The following CENPI variants were observed in gnomAD, a reference collection of about 807,000 sequenced individuals.
The protein encoded by CENPI is FSH primary response 1.
Under a neutral mutation model 60.4 loss-of-function variants are expected in CENPI, and 4 were observed. That is an observed-to-expected ratio of 0.07 (90% CI 0.03 to 0.15). The LOEUF (loss-of-function observed/expected upper bound fraction) is 0.15. Among genes scored for constraint, CENPI ranks in the 10% least tolerant of loss-of-function variants. CENPI has a pLI of 1.00. For missense variants in CENPI, 444 were observed against 534.5 expected, an observed-to-expected ratio of 0.83 and a Z score of 1.67; for synonymous variants, 157 against 189.4, an observed-to-expected ratio of 0.83 and a Z score of 1.40.
At chrX:101,158,272 C>CTTTT (rs35564589) in intron 20 of CENPI, among the ~76,000 whole-genome samples, 6 of 65,878 alleles carry the variant, frequency 9.1e-5, no homozygotes, top group African/African-American at 2.0e-4. Context: ...GGCAGTATGG[C>CTTTT]TTTTTTTTTT....
At chrX:101,102,234 T>A in intron 3 of CENPI, 40 bp from the exon 4 acceptor site, 1 of 1,034,122 alleles carries the variant, frequency 9.7e-7, no homozygotes, top group South Asian at 2.4e-5. Flanking sequence ...ACTGAAATAA[T>A]TTTAAAGGTC....
chrX:101,173,412 C>G, the CENPI span, among the ~76,000 whole-genome samples: 2 of 102,878 alleles, frequency 1.9e-5, no homozygotes, highest in Non-Finnish European at 3.9e-5. Context: ...GCTTCTACCT[C>G]CTGGGCTCAA....
intron 8 of CENPI, 147 bp downstream of exon 8, chrX:101,120,931 A>T: frequency 2.3e-6 from 1 of 438,575 alleles, no homozygotes; most frequent in Non-Finnish European, 3.9e-6. Context: ...ACTGGAGTGC[A>T]GTGGCATGAT....
At chrX:101,111,255 T>C (rs775356949) in intron 6 of CENPI, among the ~76,000 whole-genome samples, 34 of 111,305 alleles carry the variant, frequency 3.1e-4, no homozygotes, top group Non-Finnish European at 5.3e-4. Context: ...GAAGCTGACA[T>C]GATAATCTAG....
intron 6 of CENPI, among the ~76,000 whole-genome samples, chrX:101,110,379 CT>C (rs1367772826): frequency 8.9e-6 from 1 of 112,113 alleles, no homozygotes; most frequent in Non-Finnish European, 1.9e-5. Flanking sequence ...GTCATTTACT[CT>C]ACATTTTCTT....
chrX:101,103,343 G>T (rs146736957), intron 4 of CENPI, among the ~76,000 whole-genome samples: 1 of 109,336 alleles, frequency 9.1e-6, no homozygotes, highest in African/African-American at 3.3e-5. Flanking sequence ...TTTAGACTTT[G>T]TTTATTTATT....
chrX:101,115,620 T>G (rs766709273), intron 6 of CENPI, among the ~76,000 whole-genome samples: 14 of 111,366 alleles, frequency 1.3e-4, no homozygotes, highest in Non-Finnish European at 2.1e-4. Context: ...TGCCTCGGCC[T>G]CCCAAAGTGC....
chrX:101,106,417 CTTTT>C (rs148918897), intron 4 of CENPI, among the ~76,000 whole-genome samples: 2 of 95,429 alleles, frequency 2.1e-5, no homozygotes, highest in Non-Finnish European at 2.1e-5. Context: ...TCTATGACAT[CTTTT>C]TTTTTTTTTT....
chrX:101,152,251 G>C (rs1295241991), intron 20 of CENPI, among the ~76,000 whole-genome samples: 1 of 109,150 alleles, frequency 9.2e-6, no homozygotes, highest in Non-Finnish European at 1.9e-5. Context: ...TTTTAGTAGA[G>C]ACGGGGTTTC....
At chrX:101,107,056 G>T (rs1222328700) in intron 4 of CENPI, among the ~76,000 whole-genome samples, 52 of 52,837 alleles carry the variant, frequency 9.8e-4, no homozygotes, top group African/African-American at 4.7e-3. Context: ...GTCAGACCCT[G>T]TCTCAAAAAA....
At position 101,151,310 on chromosome X, in the gene CENPI, C is replaced by T. The variant is rs184390268; in HGVS notation, c.2094+3149C>T. ...AACCCTGTGCTCTGAATTTAATTACCTTAGTTCTTTGAGACCGTGGAAGTA... is the reference window on the plus strand; with the variant it reads ...AACCCTGTGCTCTGAATTTAATTACTTTAGTTCTTTGAGACCGTGGAAGTA... On this transcript the variant is annotated intron_variant, in intron 20 of 21. Coordinates refer to ENST00000682095, the MANE Select transcript of CENPI (RefSeq NM_001386188.2). Among the ~76,000 whole-genome samples, 17 of 111,562 alleles carry T rather than the reference C, an allele frequency of 1.5e-4. No individual in the cohort carries two copies. In the Admixed American group the frequency reaches 1.5e-3, roughly 10 times the overall value.
chrX:101,147,916 G>A, intron 19 of CENPI, 27 bp from the exon 20 acceptor site: 1 of 1,186,107 alleles, frequency 8.4e-7, no homozygotes, highest in Non-Finnish European at 1.1e-6. Context: ...AGGTGATAGT[G>A]ACAATTTTTT....
chrX:101,146,480 T>TA (rs747574705), intron 18 of CENPI, among the ~76,000 whole-genome samples: 4 of 110,481 alleles, frequency 3.6e-5, no homozygotes, highest in East Asian at 2.8e-4. Flanking sequence ...GGCTACAGAA[T>TA]AAAAAAAAAT....
intron 15 of CENPI, among the ~76,000 whole-genome samples, chrX:101,136,863 A>T (rs2089853627): frequency 8.9e-6 from 1 of 112,265 alleles, no homozygotes; most frequent in Non-Finnish European, 1.9e-5. Flanking sequence ...TGTTGTTAAT[A>T]GTGGCACTGT....
chrX:101,146,254 C>T lies in CENPI; in HGVS notation c.1803C>T (p.Asn601=), dbSNP rs1449236879. The T allele has an allele frequency of 5.0e-6, 6 of 1,209,277 alleles. No individual in the cohort carries two copies. The highest frequency in any genetic ancestry group is 1.8e-5 in the South Asian group (1 of 56,516). ...ALLSLDTSIL[N]QLCFIMHRYR... ...TCAGCCTGGATACCAGCATCCTGAACCAGCTGTGTTTTATTATGCACAGGT... is the reference window on the plus strand; with the variant it reads ...TCAGCCTGGATACCAGCATCCTGAATCAGCTGTGTTTTATTATGCACAGGT... Residue 601 remains asparagine (N), a synonymous_variant, in exon 18 of 22, where the codon AAC becomes AAT. Transcript: ENST00000682095.
At chrX:101,159,053 G>T (rs1448445434) in intron 20 of CENPI, among the ~76,000 whole-genome samples, 1 of 111,782 alleles carries the variant, frequency 8.9e-6, no homozygotes, top group Non-Finnish European at 1.9e-5. Context: ...ACAGTGATTT[G>T]TATGAAAGGG....
chrX:101,128,480 A>G (rs1343658365), intron 11 of CENPI, among the ~76,000 whole-genome samples: 2 of 111,416 alleles, frequency 1.8e-5, no homozygotes, highest in Non-Finnish European at 3.8e-5. Flanking sequence ...CCTGGGTGAC[A>G]GAGCGAGACT....
At chrX:101,155,759 C>T (rs991336606) in intron 20 of CENPI, among the ~76,000 whole-genome samples, 1 of 111,637 alleles carries the variant, frequency 9.0e-6, no homozygotes, top group Admixed American at 9.6e-5. Context: ...CAACCAAAAA[C>T]TCTTTTTACA....
the CENPI span, among the ~76,000 whole-genome samples, chrX:101,173,011 ATTT>A: frequency 9.8e-4 from 67 of 68,675 alleles, no homozygotes; most frequent in African/African-American, 3.9e-3. Flanking sequence ...AGTTGTAGGA[ATTT>A]TTTTTTTTTT....
Sources: gnomAD v4.1 joint callset for allele counts (sites outside exome capture counted in the v4.1 genomes callset) on GRCh38, gnomAD v4.1.1 for gene constraint, MANE v1.5 for transcripts, NCBI Gene and HGNC (gene_info 2026-07-23, HGNC 2026-07-21) for gene names.